DOCK11: variants seen among roughly 807,000 people sequenced by gnomAD.
The protein encoded by DOCK11 is dedicator of cytokinesis 11, also known as dedicator of cytokinesis protein 11.
A neutral mutation model predicts 169.1 loss-of-function variants in DOCK11; 70 were observed. The observed-to-expected ratio is 0.41, with a 90% CI of 0.34 to 0.51. The LOEUF (loss-of-function observed/expected upper bound fraction) is 0.51. Among genes scored for constraint, DOCK11 ranks in the 20% least tolerant of loss-of-function variants. DOCK11 has a pLI of 0.10. For synonymous variants in DOCK11, 529 were observed against 541.3 expected (o/e 0.98, Z 0.32); for missense variants, 1,166 against 1,538.8 (o/e 0.76, Z 4.05).
chrX:118,570,978 T>C (rs764507939), intron 10 of DOCK11, among the ~76,000 whole-genome samples: 2 of 112,102 alleles, frequency 1.8e-5, no homozygotes, highest in East Asian at 5.6e-4. Context: ...AAAATACCAA[T>C]AATTTTTAAA....
intron 44 of DOCK11, among the ~76,000 whole-genome samples, chrX:118,661,687 G>A (rs1476241045): frequency 1.8e-5 from 2 of 111,704 alleles, no homozygotes; most frequent in Non-Finnish European, 3.8e-5. Flanking sequence ...AATTTTCCTT[G>A]AACTCTAAAA....
chrX:118,628,736 A>G (rs1439689175), intron 34 of DOCK11, among the ~76,000 whole-genome samples: 1 of 112,654 alleles, frequency 8.9e-6, no homozygotes, highest in Non-Finnish European at 1.9e-5. Context: ...CAACTCTTCT[A>G]TCAAGTCGTT....
At chrX:118,562,880 A>C (rs2012959380) in intron 7 of DOCK11, among the ~76,000 whole-genome samples, 1 of 112,526 alleles carries the variant, frequency 8.9e-6, no homozygotes, top group South Asian at 3.6e-4. Context: ...TCTGTCATAC[A>C]ACTAAGTCAC....
chrX:118,547,676 T>A (rs1402559623), intron 6 of DOCK11, among the ~76,000 whole-genome samples: 1 of 112,582 alleles, frequency 8.9e-6, no homozygotes, highest in African/African-American at 3.2e-5. Flanking sequence ...GAGGTAGGAT[T>A]TGAACCTAGG....
chrX:118,643,783 G>A (rs2015590097), intron 40 of DOCK11, among the ~76,000 whole-genome samples, 189 bp downstream of exon 40: 1 of 111,762 alleles, frequency 8.9e-6, no homozygotes, highest in African/African-American at 3.3e-5. Flanking sequence ...CCTCAAATCA[G>A]AAGCTACTTT....
intron 45 of DOCK11, among the ~76,000 whole-genome samples, chrX:118,668,543 T>C (rs1461017076): frequency 9.0e-6 from 1 of 111,566 alleles, no homozygotes; most frequent in East Asian, 2.8e-4. Context: ...ATACAGATGT[T>C]TTATTCAAGT....
At chrX:118,545,447 T>A (rs1223621452) in intron 5 of DOCK11, 55 bp downstream of exon 5, 11 of 891,907 alleles carry the variant, frequency 1.2e-5, no homozygotes, top group Admixed American at 6.6e-5. Flanking sequence ...ACGGTCACTT[T>A]GCTGAAAAAG....
chrX:118,680,969 A>T, intron 49 of DOCK11, 89 bp from the exon 50 acceptor site: 1 of 825,672 alleles, frequency 1.2e-6, no homozygotes, highest in Non-Finnish European at 1.7e-6. Context: ...GGATGGGGAG[A>T]GTTAAGCACA....
chrX:118,660,584 C>T (rs953390130), intron 44 of DOCK11, among the ~76,000 whole-genome samples: 11 of 109,945 alleles, frequency 1.0e-4, no homozygotes, highest in Non-Finnish European at 1.9e-4. Context: ...CCTGCCTCAG[C>T]CTCCCGAGTA....
At chrX:118,684,945 C>T (rs888968264) in intron 52 of DOCK11, among the ~76,000 whole-genome samples, 5 of 111,709 alleles carry the variant, frequency 4.5e-5, no homozygotes, top group African/African-American at 1.6e-4. Context: ...GTATTGAAAG[C>T]TTGGGACCTA....
rs982868708 is a variant in DOCK11 at position 118,640,274 on chromosome X, T to C, written c.4144+697T>C. Among the ~76,000 whole-genome samples the C allele has an allele frequency of 2.7e-5, 3 of 112,276 alleles. No homozygotes were observed. In the Admixed American group the frequency reaches 2.8e-4, roughly 11 times the overall value. Reference sequence around the variant, plus strand: ...ACTCAAAGAGTGAGAATGTTTTGTTTCCACACAGTCCTCTGAAGGTTTCAG... The same window carrying C: ...ACTCAAAGAGTGAGAATGTTTTGTTCCCACACAGTCCTCTGAAGGTTTCAG... On this transcript the variant is annotated intron_variant, in intron 38 of 52. Coordinates refer to ENST00000276202, the MANE Select transcript of DOCK11 (RefSeq NM_144658.4).
At position 118,597,621 on chromosome X, in the gene DOCK11, C is replaced by T. The variant is rs747353144; in HGVS notation, c.2385+69C>T. On this transcript the variant is annotated intron_variant, in intron 21 of 52. Coordinates refer to ENST00000276202, the MANE Select transcript of DOCK11 (RefSeq NM_144658.4). Reference sequence around the variant, plus strand: ...GCAAAAAATAGAATTCTGTTGGTCTCGATTGTTTAGTACAATGTTACTCAA... The same window carrying T: ...GCAAAAAATAGAATTCTGTTGGTCTTGATTGTTTAGTACAATGTTACTCAA... 51 of 1,163,947 alleles carry T rather than the reference C, an allele frequency of 4.4e-5. No homozygotes were observed. The South Asian group carries it at 8.1e-4, about 18-fold the overall frequency.
At chrX:118,606,361 C>A (rs761369352) in intron 24 of DOCK11, among the ~76,000 whole-genome samples, 1 of 112,259 alleles carries the variant, frequency 8.9e-6, no homozygotes, top group African/African-American at 3.2e-5. Flanking sequence ...GCCACCGCTT[C>A]CTGCAGGAAC....
chrX:118,624,222 G>A (rs948001920), intron 31 of DOCK11, among the ~76,000 whole-genome samples: 7 of 112,729 alleles, frequency 6.2e-5, no homozygotes, highest in Non-Finnish European at 1.3e-4. Flanking sequence ...GAAGCTCAAC[G>A]CTCACTGGAG....
At chrX:118,600,678 T>C (rs2014309955) in intron 23 of DOCK11, among the ~76,000 whole-genome samples, 2 of 110,560 alleles carry the variant, frequency 1.8e-5, no homozygotes. Flanking sequence ...GGAGCAGGGA[T>C]TTACAAGGGG....
Position 118,605,250 on chromosome X carries a change from A to G in DOCK11, c.2575A>G (p.Met859Val), listed in dbSNP as rs1212206564. 2 of 1,173,137 alleles carry G rather than the reference A, an allele frequency of 1.7e-6. No individual in the cohort carries two copies. The highest frequency in any genetic ancestry group is 5.0e-5 in the Admixed American group (2 of 39,720). The change falls in exon 24 of 53, where the codon ATG becomes GTG. Residue 859 changes from methionine to valine, a missense_variant. Physicochemically the swap from Met to Val is conservative, Grantham distance 21. Transcript: ENST00000276202. ...GACTTAATTTTAGTGTTTGCATGCCATGGAGATCCAAGTCATGATACAGTT... is the reference window on the plus strand; with the variant it reads ...GACTTAATTTTAGTGTTTGCATGCCGTGGAGATCCAAGTCATGATACAGTT... ...LIKYLKCLHAMEIQVMIQFLP... is the reference protein window; with the variant it reads ...LIKYLKCLHAVEIQVMIQFLP...
chrX:118,675,667 G>T (rs2016592154), intron 46 of DOCK11, among the ~76,000 whole-genome samples: 1 of 109,202 alleles, frequency 9.2e-6, no homozygotes, highest in African/African-American at 3.3e-5. Flanking sequence ...TAACAAACCT[G>T]CATATTCTGC....
chrX:118,534,736 CTCTT>C (rs1308755692), intron 1 of DOCK11, among the ~76,000 whole-genome samples: 4 of 111,826 alleles, frequency 3.6e-5, no homozygotes, highest in African/African-American at 1.3e-4. Context: ...TAAGAGCAGT[CTCTT>C]TGTACTATTT....
chrX:118,643,495 G>GA lies in DOCK11; in HGVS notation c.4305dup (p.Val1436SerfsTer3). ...ATAATGATGGCCATAACCCATTAAT[G>GA]AAAAAAGTGTTTGATATACATCTTG... On this transcript the variant is annotated frameshift_variant, in exon 40 of 53. Transcript: ENST00000276202. LOFTEE classifies it high-confidence loss of function. 8.3e-7 allele frequency: 1 copy of GA among 1,209,363 alleles called. No individual in the cohort carries two copies. Among genetic ancestry groups the GA allele is most frequent in the Non-Finnish European group, 1.1e-6 (1 of 894,017 alleles).
Sources: gnomAD v4.1 joint callset for allele counts (sites outside exome capture counted in the v4.1 genomes callset) on GRCh38, gnomAD v4.1.1 for gene constraint, MANE v1.5 for transcripts, NCBI Gene and HGNC (gene_info 2026-07-23, HGNC 2026-07-21) for gene names.